RGS6: variants seen among roughly 807,000 people sequenced by gnomAD.
RGS6 encodes the protein regulator of G protein signaling 6, also known as regulator of G-protein signaling 6.
RGS6 carries 30 observed loss-of-function variants against 78.5 expected under a neutral mutation model. The observed-to-expected ratio is 0.38, with a 90% CI of 0.29 to 0.52. The LOEUF (loss-of-function observed/expected upper bound fraction) is 0.52. Ranked by LOEUF, RGS6 falls within the 20% of genes least tolerant of loss-of-function variation. The probability of loss-of-function intolerance (pLI) is 0.85; values close to 1 mark genes in which losing one functional copy is unlikely to be tolerated. For synonymous variants in RGS6, 206 were observed against 206.0 expected, an observed-to-expected ratio of 1.00 and a Z score of 0.00; for missense variants, 495 against 609.7, an observed-to-expected ratio of 0.81 and a Z score of 1.98.
intron 2 of RGS6, among the ~76,000 whole-genome samples, chr14:72,252,836 A>G (rs1002246452): frequency 1.8e-4 from 27 of 152,214 alleles, no homozygotes; most frequent in Non-Finnish European, 2.9e-5. Context: ...AGATACAATG[A>G]CATGTTCTAG....
chr14:72,398,130 C>G (rs1392877488), intron 3 of RGS6, among the ~76,000 whole-genome samples: 1 of 152,052 alleles, frequency 6.6e-6, no homozygotes, highest in African/African-American at 2.4e-5. Flanking sequence ...GGAATGGTAC[C>G]AGCTCCTCCT....
chr14:71,948,738 C>CTT (rs766352167), intron 1 of RGS6, among the ~76,000 whole-genome samples: 6,804 of 74,684 alleles, frequency 0.091, 1,248 homozygotes, highest in South Asian at 0.15. Flanking sequence ...CTCTCTCTCT[C>CTT]TCTTTTTTTT....
intron 2 of RGS6, among the ~76,000 whole-genome samples, chr14:72,107,263 C>G (rs1243314318): frequency 6.6e-6 from 1 of 152,074 alleles, no homozygotes; most frequent in Non-Finnish European, 1.5e-5. Flanking sequence ...ACATGAACTA[C>G]TAGGTTTAAA....
chr14:72,470,260 A>G (rs560074072), intron 8 of RGS6, among the ~76,000 whole-genome samples, 177 bp downstream of exon 8: 8 of 152,330 alleles, frequency 5.3e-5, no homozygotes, highest in Admixed American at 1.3e-4. Flanking sequence ...TTCATAATCA[A>G]TGCTTCTCTA....
At chr14:72,225,358 T>A (rs940866021) in intron 2 of RGS6, among the ~76,000 whole-genome samples, 1 of 152,226 alleles carries the variant, frequency 6.6e-6, no homozygotes, top group Non-Finnish European at 1.5e-5. Context: ...GGCCTCATGC[T>A]GTCACCCAGG....
In RGS6 at chr14:72,474,596, ATTTATATGATG is replaced by A; in HGVS notation, c.619-27_619-17del. On this transcript the variant is annotated intron_variant, in intron 9 of 17. Coordinates refer to ENST00000553525, the MANE Select transcript of RGS6 (RefSeq NM_001204424.2). Reference sequence around the variant, plus strand: ...TTGGAAGTGTAATTTTCACGTAGTAATTTATATGATGTGTTTTTTTTTTCTCAGCCAGGCTG... The same window carrying A: ...TTGGAAGTGTAATTTTCACGTAGTAATGTTTTTTTTTTCTCAGCCAGGCTG... The A allele has an allele frequency of 6.3e-7, 1 of 1,590,278 alleles. No individual in the cohort carries two copies.
downstream of RGS6, among the ~76,000 whole-genome samples, chr14:72,571,088 G>C (rs1054025976): frequency 6.6e-6 from 1 of 152,140 alleles, no homozygotes. Context: ...TCCTGTGATG[G>C]ACTTTTCCTA....
intron 2 of RGS6, among the ~76,000 whole-genome samples, chr14:71,998,803 T>C (rs2082852297): frequency 6.6e-6 from 1 of 152,244 alleles, no homozygotes; most frequent in Admixed American, 6.5e-5. Flanking sequence ...GGTCTTATTT[T>C]GTAAGGGTCA....
intron 2 of RGS6, among the ~76,000 whole-genome samples, chr14:72,012,833 G>A (rs947817805): frequency 6.6e-6 from 1 of 152,158 alleles, no homozygotes; most frequent in African/African-American, 2.4e-5. Flanking sequence ...TAAACTGGGG[G>A]AAACACTAAT....
At chr14:72,064,916 G>A (rs1338462441) in intron 2 of RGS6, among the ~76,000 whole-genome samples, 1 of 152,200 alleles carries the variant, frequency 6.6e-6, no homozygotes, top group Non-Finnish European at 1.5e-5. Flanking sequence ...ACGGTAAAAT[G>A]TGTTTACCCA....
chr14:72,386,356 G>A (rs1470770097), intron 3 of RGS6, among the ~76,000 whole-genome samples: 2 of 152,162 alleles, frequency 1.3e-5, no homozygotes, highest in East Asian at 1.9e-4. Flanking sequence ...TGGACAACAC[G>A]GTGAAACCCT....
At chr14:72,248,888 G>A (rs568584731) in intron 2 of RGS6, among the ~76,000 whole-genome samples, 7 of 152,286 alleles carry the variant, frequency 4.6e-5, no homozygotes, top group Admixed American at 3.9e-4. Flanking sequence ...ATCTGGCTGG[G>A]ATCTTTTTCC....
intron 17 of RGS6, among the ~76,000 whole-genome samples, chr14:72,546,393 C>T (rs371495885): frequency 5.9e-5 from 9 of 152,158 alleles, no homozygotes; most frequent in African/African-American, 1.9e-4. Flanking sequence ...TGGCTCCTCA[C>T]GGGGTTGACA....
intron 17 of RGS6, among the ~76,000 whole-genome samples, chr14:72,544,940 G>A (rs923316484): frequency 1.3e-5 from 2 of 152,182 alleles, no homozygotes; most frequent in African/African-American, 4.8e-5. Flanking sequence ...CAGGCAATCA[G>A]GGCAGTCAGC....
chr14:72,164,879 C>T (rs762066338), intron 2 of RGS6, among the ~76,000 whole-genome samples: 5 of 152,104 alleles, frequency 3.3e-5, no homozygotes, highest in African/African-American at 1.2e-4. Flanking sequence ...TTTCCGCAGA[C>T]TTGACAAAGG....
chr14:72,550,624 A>G (rs2097491771), intron 17 of RGS6: 2 of 1,527,962 alleles, frequency 1.3e-6, no homozygotes, highest in Admixed American at 2.0e-5. Context: ...GGTTAATACT[A>G]GAAGGTTCTG....
At chr14:72,006,343 C>G (rs1481131364) in intron 2 of RGS6, among the ~76,000 whole-genome samples, 1 of 152,226 alleles carries the variant, frequency 6.6e-6, no homozygotes, top group South Asian at 2.1e-4. Context: ...CCAACAGTCC[C>G]TACCTCCTCA....
chr14:72,282,399 A>G (rs2061731164), intron 2 of RGS6, among the ~76,000 whole-genome samples: 3 of 152,202 alleles, frequency 2.0e-5, no homozygotes, highest in Non-Finnish European at 1.5e-5. Context: ...TGCCCAAATT[A>G]TAAGAAATCC....
chr14:72,317,313 A>G (rs1469672490), intron 2 of RGS6, among the ~76,000 whole-genome samples: 3 of 152,184 alleles, frequency 2.0e-5, no homozygotes, highest in Admixed American at 6.5e-5. Context: ...GATGAAATAT[A>G]TAACAACTGA....
Sources: allele counts gnomAD v4.1 joint callset (sites outside exome capture counted in the v4.1 genomes callset), GRCh38; gene constraint gnomAD v4.1.1; transcripts MANE v1.5; gene names NCBI Gene and HGNC (gene_info 2026-07-23, HGNC 2026-07-21).